The following STPG2 variants were observed in gnomAD, a reference collection of about 807,000 sequenced individuals.
STPG2 encodes sperm tail PG-rich repeat containing 2.
STPG2 carries 56 observed loss-of-function variants against 54.2 expected under a neutral mutation model. The observed-to-expected ratio is 1.03, with a 90% CI of 0.83 to 1.29. The LOEUF (loss-of-function observed/expected upper bound fraction) is 1.29, where lower values mean the gene tolerates loss of function less well. Ranked by LOEUF, STPG2 falls within the 50% of genes most tolerant of loss-of-function variation. STPG2 has a pLI of 0.00. For missense variants in STPG2, 596 were observed against 544.9 expected (o/e 1.09, Z -0.93); for synonymous variants, 200 against 181.8 (o/e 1.10, Z -0.81).
intron 4 of STPG2, among the ~76,000 whole-genome samples, chr4:97,515,949 T>C (rs895297447): frequency 1.3e-5 from 2 of 152,110 alleles, no homozygotes; most frequent in Admixed American, 1.3e-4. Context: ...ATTAAAGAGA[T>C]TGTTTCGAAA....
At chr4:97,921,678 CAGA>C (rs1274143259) in intron 8 of STPG2, among the ~76,000 whole-genome samples, 1 of 151,926 alleles carries the variant, frequency 6.6e-6, no homozygotes, top group Non-Finnish European at 1.5e-5. Flanking sequence ...ATGCACTTCC[CAGA>C]AGGAGCAGAG....
intron 8 of STPG2, among the ~76,000 whole-genome samples, chr4:97,899,816 C>A (rs1449675067): frequency 6.6e-6 from 1 of 151,884 alleles, no homozygotes; most frequent in Non-Finnish European, 1.5e-5. Flanking sequence ...ATACAAAAAT[C>A]AGCTTAAGAT....
intron 5 of STPG2, among the ~76,000 whole-genome samples, chr4:98,102,170 C>A (rs937703587): frequency 2.6e-5 from 4 of 152,214 alleles, no homozygotes; most frequent in Non-Finnish European, 4.4e-5. Flanking sequence ...CTACCTCCCT[C>A]ACCTCTGAAG....
chr4:97,461,870 G>C (rs552267234), intron 4 of STPG2, among the ~76,000 whole-genome samples: 2 of 151,686 alleles, frequency 1.3e-5, no homozygotes, highest in South Asian at 4.2e-4. Flanking sequence ...TCTATAATTA[G>C]ATATCTTCAC....
chr4:97,674,910 A>C (rs961264920), intron 10 of STPG2, among the ~76,000 whole-genome samples: 2 of 152,186 alleles, frequency 1.3e-5, no homozygotes, highest in African/African-American at 2.4e-5. Flanking sequence ...TACCCTCTAC[A>C]GTGCCTCTTA....
intron 8 of STPG2, among the ~76,000 whole-genome samples, chr4:97,842,465 G>A (rs1012489696): frequency 6.6e-6 from 1 of 151,888 alleles, no homozygotes; most frequent in Non-Finnish European, 1.5e-5. Flanking sequence ...TATGCCTAGT[G>A]TAAATAGGAA....
chr4:97,485,339 T>C (rs1001426132), intron 4 of STPG2, among the ~76,000 whole-genome samples: 1 of 151,914 alleles, frequency 6.6e-6, no homozygotes, highest in Non-Finnish European at 1.5e-5. Flanking sequence ...CTCCTAGAAC[T>C]CGTATAAGAA....
At chr4:97,936,280 T>G (rs1732742008) in intron 8 of STPG2, among the ~76,000 whole-genome samples, 1 of 152,176 alleles carries the variant, frequency 6.6e-6, no homozygotes, top group Non-Finnish European at 1.5e-5. Flanking sequence ...TCTTTCTGCA[T>G]GAGATGTGTC....
intron 10 of STPG2, among the ~76,000 whole-genome samples, chr4:97,577,475 A>G (rs1732751774): frequency 6.6e-6 from 1 of 152,186 alleles, no homozygotes; most frequent in Non-Finnish European, 1.5e-5. Flanking sequence ...TAAATGAATT[A>G]ACCTAGAAAC....
chr4:97,585,769 T>C (rs1049730036), intron 10 of STPG2, among the ~76,000 whole-genome samples: 3 of 151,954 alleles, frequency 2.0e-5, no homozygotes, highest in African/African-American at 7.2e-5. Flanking sequence ...AAAAGCTTAA[T>C]GTAACACTGC....
chr4:98,076,104 C>T (rs7660201), intron 5 of STPG2, among the ~76,000 whole-genome samples: 305 of 152,054 alleles, frequency 2.0e-3, no homozygotes, highest in African/African-American at 7.2e-3. Flanking sequence ...ATTAGCCAGG[C>T]GTGGTGGCGG....
chr4:98,141,942 G>GAAAAAA (rs3974892), intron 1 of STPG2, among the ~76,000 whole-genome samples: 996 of 96,800 alleles, frequency 0.01, 23 homozygotes, highest in African/African-American at 0.026. Flanking sequence ...CAGTAGTTGG[G>GAAAAAA]AAAAAAAAAA....
At chr4:97,510,613 G>T (rs1300938810) in intron 4 of STPG2, among the ~76,000 whole-genome samples, 2 of 152,006 alleles carry the variant, frequency 1.3e-5, no homozygotes, top group Non-Finnish European at 2.9e-5. Flanking sequence ...TCCATGGACT[G>T]GGGGTGGGAG....
intron 5 of STPG2, among the ~76,000 whole-genome samples, chr4:98,041,041 T>C (rs1169286690): frequency 6.6e-6 from 1 of 151,686 alleles, no homozygotes; most frequent in Admixed American, 6.6e-5. Flanking sequence ...CATTTTCCTT[T>C]CTTTTCACTT....
chr4:97,502,690 A>G (rs1325316507), intron 4 of STPG2, among the ~76,000 whole-genome samples: 2 of 147,454 alleles, frequency 1.4e-5, no homozygotes, highest in East Asian at 2.0e-4. Flanking sequence ...ATCCATCTAG[A>G]AAAAAAAAAT....
At chr4:97,661,003 T>C (rs967734871) in intron 10 of STPG2, among the ~76,000 whole-genome samples, 2 of 152,050 alleles carry the variant, frequency 1.3e-5, no homozygotes, top group Non-Finnish European at 2.9e-5. Flanking sequence ...AACAAAAACA[T>C]GCTTTGGGAT....
rs191280798 is a variant in STPG2, at chr4:97,970,689, C to T, written c.933+1591G>A. Among the ~76,000 whole-genome samples the T allele has an allele frequency of 3.3e-5, 5 of 152,284 alleles. No homozygotes were observed. The East Asian group carries it at 9.6e-4, about 29-fold the overall frequency. ...ATGGATTAAAGGCTTAAATGTTAGA[C>T]CTAAAACCATAAAATCCCTAGAAGA... On this transcript the variant is annotated intron_variant, in intron 7 of 10. Coordinates refer to ENST00000295268, the MANE Select transcript of STPG2 (RefSeq NM_174952.3).
chr4:97,851,526 T>C (rs1358371032), intron 8 of STPG2, among the ~76,000 whole-genome samples: 1 of 152,172 alleles, frequency 6.6e-6, no homozygotes, highest in Non-Finnish European at 1.5e-5. Context: ...AAAGCTGGCT[T>C]TTACTTTTGT....
chr4:97,530,100 T>A (rs1377274452), intron 4 of STPG2, among the ~76,000 whole-genome samples: 2 of 152,180 alleles, frequency 1.3e-5, no homozygotes, highest in African/African-American at 2.4e-5. Flanking sequence ...AAAAATTTAA[T>A]CCTTGATTTT....
Sources: allele counts gnomAD v4.1 joint callset (sites outside exome capture counted in the v4.1 genomes callset), GRCh38; gene constraint gnomAD v4.1.1; transcripts MANE v1.5; gene names NCBI Gene and HGNC (gene_info 2026-07-23, HGNC 2026-07-21).